Variants in WLS observed in about 807,000 individuals in gnomAD.
WLS encodes the protein Wnt ligand secretion mediator.
WLS carries 23 observed loss-of-function variants against 62.8 expected under a neutral mutation model. The observed-to-expected ratio is 0.37, with a 90% CI of 0.26 to 0.52. The LOEUF (loss-of-function observed/expected upper bound fraction) is 0.52. Among genes scored for constraint, WLS ranks in the 20% least tolerant of loss-of-function variants. The probability of loss-of-function intolerance (pLI) is 0.92; values close to 1 mark genes in which losing one functional copy is unlikely to be tolerated. For synonymous variants in WLS, 246 were observed against 244.1 expected (o/e 1.01, Z -0.07); for missense variants, 615 against 697.3 (o/e 0.88, Z 1.33).
chr1:68,137,727 G>C, intron 11 of WLS, 53 bp downstream of exon 11: 1 of 1,569,506 alleles, frequency 6.4e-7, no homozygotes, highest in South Asian at 1.2e-5. Flanking sequence ...ATCTTGTAAA[G>C]ACAGAAGCCT....
At chr1:68,205,596 A>C (rs1470519450) in intron 1 of WLS, among the ~76,000 whole-genome samples, 1 of 152,220 alleles carries the variant, frequency 6.6e-6, no homozygotes, top group African/African-American at 2.4e-5. Flanking sequence ...AAATGAAATA[A>C]AATGTTCACA....
At chr1:68,125,059 G>A (rs1054395574), downstream of WLS, among the ~76,000 whole-genome samples, 1 of 152,186 alleles carries the variant, frequency 6.6e-6, no homozygotes, top group East Asian at 1.9e-4. Context: ...TATCTCCAGT[G>A]CAAGTGTTAA....
chr1:68,229,057 GTACAATTC>G (rs934576016), intron 1 of WLS, among the ~76,000 whole-genome samples: 6 of 152,022 alleles, frequency 3.9e-5, no homozygotes, highest in African/African-American at 1.4e-4. Flanking sequence ...TAAATGTCAT[GTACAATTC>G]TCTAAGTACT....
chr1:68,102,367 T>C (rs1456510310), intron 11 of WLS, among the ~76,000 whole-genome samples: 1 of 152,192 alleles, frequency 6.6e-6, no homozygotes, highest in East Asian at 1.9e-4. Context: ...TTTTCATTGC[T>C]TCTGCTTTCC....
rs11290966 is a variant in WLS, at chr1:68,110,007, T to TAAAAAAAA, written c.1511-11262_1511-11255dup. Among the ~76,000 whole-genome samples the TAAAAAAAA allele has an allele frequency of 1.4e-3, 40 of 28,414 alleles. 1 individual carries two copies. The highest frequency in any genetic ancestry group is 1.9e-3 in the Non-Finnish European group (31 of 15,954). 18.6% of individuals were successfully genotyped at this position (28,414 alleles called of 152,430 possible). ...TTGCACTGGAACACAACACAAAAAG[T>TAAAAAAAA]AAAAAAAAAAAAAAAAAAAAAAAAA... On this transcript the variant is annotated intron_variant, in intron 11 of 11. Transcript: ENST00000354777.
intron 1 of WLS, among the ~76,000 whole-genome samples, chr1:68,203,384 G>A (rs71649058): frequency 0.04 from 6,131 of 152,248 alleles, 145 homozygotes; most frequent in Non-Finnish European, 0.041. Context: ...GCAGAGCTGA[G>A]GGATGAATGA....
rs372130459 is a variant in WLS, at chr1:68,098,709, CA to C, written c.1554del (p.Phe518LeufsTer65). 628 of 1,613,720 alleles carry C rather than the reference CA, an allele frequency of 3.9e-4. 8 individuals are homozygous for C. The South Asian group carries it at 6.3e-3, about 16-fold the overall frequency. Reference sequence around the variant, plus strand: ...AACAATTCTTGATAAAGTTCCGAAACAAACAAAGCACAATCTTCCCTCGATT... The same window carrying C: ...AACAATTCTTGATAAAGTTCCGAAACAACAAAGCACAATCTTCCCTCGATT... On this transcript the variant is annotated frameshift_variant, in exon 12 of 12. Transcript: ENST00000354777. LOFTEE classifies it low-confidence loss of function (END_TRUNC).
Position 68,133,044 on chromosome 1 carries a change from G to GGCAGCA in WLS, c.1516+4730_1516+4735dup, listed in dbSNP as rs1553126297. On this transcript the variant is annotated intron_variant, in intron 11 of 11. Transcript: ENST00000262348. Reference sequence around the variant, plus strand: ...GTAAAAAGAACAACTGTCATGAAAAGGCAGCAGCAGCAACAGCAACAGCAG... The same window carrying GGCAGCA: ...GTAAAAAGAACAACTGTCATGAAAAGGCAGCAGCAGCAGCAGCAACAGCAACAGCAG... 1.0e-3 allele frequency among the ~76,000 whole-genome samples: 19 copies of GGCAGCA among 18,226 alleles called. No individual in the cohort carries two copies. In the South Asian group the frequency reaches 0.02, roughly 19 times the overall value. 12.0% of individuals were successfully genotyped at this position (18,226 alleles called of 152,430 possible).
intron 2 of WLS, among the ~76,000 whole-genome samples, chr1:68,182,023 T>A (rs1647606197): frequency 6.6e-6 from 1 of 152,200 alleles, no homozygotes; most frequent in African/African-American, 2.4e-5. Context: ...CTGCAAATTA[T>A]TCAACACCAT....
At chr1:68,200,495 C>T (rs1362408328) in intron 1 of WLS, among the ~76,000 whole-genome samples, 6 of 116,296 alleles carry the variant, frequency 5.2e-5, no homozygotes, top group Non-Finnish European at 8.6e-5. Flanking sequence ...CGGGGGTGGG[C>T]AGAGACTACA....
chr1:68,134,203 C>T (rs2566783), intron 11 of WLS, among the ~76,000 whole-genome samples: 85,943 of 152,076 alleles, frequency 0.57, 25,369 homozygotes, highest in Non-Finnish European at 0.65. Flanking sequence ...CAAGGAACTT[C>T]GAAATCTTGG....
chr1:68,179,392 G>A (rs1647419866), intron 2 of WLS, among the ~76,000 whole-genome samples: 1 of 152,160 alleles, frequency 6.6e-6, no homozygotes, highest in Admixed American at 6.5e-5. Flanking sequence ...TGGGATCAAG[G>A]CACTGGAGTC....
At chr1:68,192,818 G>A (rs1162514482) in intron 2 of WLS, among the ~76,000 whole-genome samples, 1 of 147,810 alleles carries the variant, frequency 6.8e-6, no homozygotes, top group Non-Finnish European at 1.5e-5. Flanking sequence ...TTTCAGGCCA[G>A]GCACAGTGGC....
At chr1:68,228,842 C>CAAAAAAAAAAAAAAAA (rs66626696) in intron 1 of WLS, among the ~76,000 whole-genome samples, 1 of 58,032 alleles carries the variant, frequency 1.7e-5, no homozygotes, top group African/African-American at 7.5e-5. Flanking sequence ...ACACTGGTGC[C>CAAAAAAAAAAAAAAAA]AAAAAAAAAA....
At chr1:68,219,342 C>T (rs2100658489) in intron 1 of WLS, among the ~76,000 whole-genome samples, 1 of 152,324 alleles carries the variant, frequency 6.6e-6, no homozygotes, top group Non-Finnish European at 1.5e-5. Flanking sequence ...TTATTTCTCA[C>T]TATGTCTTCC....
chr1:68,167,068 C>T (rs1251510859), intron 2 of WLS, among the ~76,000 whole-genome samples: 1 of 152,202 alleles, frequency 6.6e-6, no homozygotes, highest in African/African-American at 2.4e-5. Flanking sequence ...TCTTAGCAGA[C>T]CTGGTTCCTT....
At chr1:68,209,464 G>C (rs1215773562) in intron 1 of WLS, among the ~76,000 whole-genome samples, 1 of 152,192 alleles carries the variant, frequency 6.6e-6, no homozygotes, top group Non-Finnish European at 1.5e-5. Context: ...GGACTTAACA[G>C]GGTGATTTTC....
In WLS at chr1:68,144,561, C is replaced by G. The variant is rs113912573; in HGVS notation, c.1362+8G>C. 3.1e-6 allele frequency: 5 copies of G among 1,612,456 alleles called. No individual in the cohort carries two copies. The African/African-American group carries it at 6.7e-5, about 22-fold the overall frequency. On this transcript the variant is annotated splice_region_variant and intron_variant, in intron 10 of 11. Coordinates refer to ENST00000262348, the MANE Select transcript of WLS (RefSeq NM_024911.7). ...CATTCTCACCTTGACATCTCAGGGTCCACTTACCTGACTAACGATGAAGAA... is the reference window on the plus strand; with the variant it reads ...CATTCTCACCTTGACATCTCAGGGTGCACTTACCTGACTAACGATGAAGAA...
At chr1:68,228,147 C>A in intron 1 of WLS, 1 of 377,196 alleles carries the variant, frequency 2.7e-6, no homozygotes, top group South Asian at 2.1e-5. Context: ...AAAGGCCACT[C>A]ACATAAGTTA....
Sources: gnomAD v4.1 joint callset for allele counts (sites outside exome capture counted in the v4.1 genomes callset) on GRCh38, gnomAD v4.1.1 for gene constraint, MANE v1.5 for transcripts, NCBI Gene and HGNC (gene_info 2026-07-23, HGNC 2026-07-21) for gene names.